The following ZNF667 variants were observed in gnomAD, a reference collection of about 807,000 sequenced individuals.
ZNF667 encodes the protein myocardial ischemic preconditioning upregulated 1 ortholog.
In ZNF667, 13 loss-of-function variants were observed where a neutral mutation model predicts 31.8. That is an observed-to-expected ratio of 0.41 (90% CI 0.27 to 0.65). The LOEUF (loss-of-function observed/expected upper bound fraction) is 0.65. ZNF667 is among the 30% of genes least tolerant of loss of function. The pLI, the probability that ZNF667 is intolerant of heterozygous loss-of-function variation, is 0.32. For synonymous variants in ZNF667, 228 were observed against 247.1 expected, an observed-to-expected ratio of 0.92 and a Z score of 0.73; for missense variants, 642 against 725.6, an observed-to-expected ratio of 0.88 and a Z score of 1.32.
chr19:56,458,006 C>A (rs1428371512), intron 6 of ZNF667, 149 bp downstream of exon 6: 1 of 705,476 alleles, frequency 1.4e-6, no homozygotes, highest in South Asian at 1.7e-5. Context: ...CACCAGACAC[C>A]GAATCTGCTC....
chr19:56,443,533 G>T (rs950802757), intron 6 of ZNF667, among the ~76,000 whole-genome samples: 1 of 152,098 alleles, frequency 6.6e-6, no homozygotes, highest in Non-Finnish European at 1.5e-5. Context: ...ATTGAATCCT[G>T]TAGGCAATTT....
intron 3 of ZNF667, chr19:56,470,184 G>T (rs553108942): frequency 5.4e-6 from 2 of 372,506 alleles, no homozygotes; most frequent in African/African-American, 4.2e-5. Context: ...TCAGTGCTCC[G>T]TTAAGGTAAA....
At chr19:56,475,320 AC>A (rs2043380433) in intron 1 of ZNF667, 1 of 152,122 alleles carries the variant, frequency 6.6e-6, no homozygotes, top group Non-Finnish European at 1.5e-5. Context: ...CTCGGAGCTT[AC>A]CCGGGCTGCA....
chr19:56,447,771 C>T (rs542600998), intron 6 of ZNF667, among the ~76,000 whole-genome samples: 2 of 152,216 alleles, frequency 1.3e-5, no homozygotes, highest in South Asian at 4.2e-4. Flanking sequence ...ATCCCGGCTA[C>T]TCAGGAGGCT....
intron 6 of ZNF667, among the ~76,000 whole-genome samples, chr19:56,448,221 G>T (rs534887209): frequency 6.0e-4 from 91 of 152,178 alleles, no homozygotes; most frequent in African/African-American, 1.9e-3. Context: ...GGAACTCAGT[G>T]CTGCCCTGTC....
chr19:56,462,041 G>A (rs945642013), intron 4 of ZNF667, among the ~76,000 whole-genome samples: 3 of 152,182 alleles, frequency 2.0e-5, no homozygotes, highest in African/African-American at 4.8e-5. Context: ...CTTCCTCCAC[G>A]GAGGACATTT....
chr19:56,458,134 C>A, intron 6 of ZNF667, 21 bp downstream of exon 6: 1 of 1,608,024 alleles, frequency 6.2e-7, no homozygotes, highest in South Asian at 1.1e-5. Context: ...GAGACATATG[C>A]CTTGGTTCTC....
chr19:56,472,135 A>G lies in ZNF667; in HGVS notation c.-496T>C, dbSNP rs2043305656. The G allele has an allele frequency of 6.6e-6, 1 of 152,226 alleles. No individual in the cohort carries two copies. Among genetic ancestry groups the G allele is most frequent in the Non-Finnish European group, 1.5e-5 (1 of 68,046 alleles). The allele number at this position is 152,226 out of a possible 1,614,324, so 9.4% of individuals were successfully genotyped here. On this transcript the variant is annotated 5_prime_UTR_variant, in exon 3 of 7. Coordinates refer to ENST00000504904, the MANE Select transcript of ZNF667 (RefSeq NM_001321356.2). ...GGTATGTCTTTATCAGCAGCACGAA[A>G]ACAGACTCATACATTGTCCATAAAA...
chr19:56,455,979 C>T (rs537922658), intron 6 of ZNF667, among the ~76,000 whole-genome samples: 13 of 152,128 alleles, frequency 8.5e-5, no homozygotes, highest in East Asian at 1.9e-4. Flanking sequence ...CTGCATCTCC[C>T]GGACAGGAGA....
chr19:56,469,532 C>G (rs2043241170), intron 3 of ZNF667, among the ~76,000 whole-genome samples: 1 of 152,144 alleles, frequency 6.6e-6, no homozygotes, highest in African/African-American at 2.4e-5. Flanking sequence ...ACACCCCCAC[C>G]CCCATGCCAG....
At chr19:56,454,339 T>C (rs1320711116) in intron 6 of ZNF667, among the ~76,000 whole-genome samples, 1 of 152,110 alleles carries the variant, frequency 6.6e-6, no homozygotes, top group African/African-American at 2.4e-5. Context: ...TCCTAAAATT[T>C]ATATGGAACC....
At chr19:56,477,220 G>T (rs2043431459) in intron 1 of ZNF667, 52 bp downstream of exon 1, 1 of 152,086 alleles carries the variant, frequency 6.6e-6, no homozygotes, top group South Asian at 2.1e-4. Flanking sequence ...CGCAGTGGCG[G>T]GCGCGCCGCC....
In ZNF667 at chr19:56,441,163, T is replaced by C. The variant is rs780187347; in HGVS notation, c.1832A>G (p.Ter611=). 1 of 1,600,500 alleles carries C rather than the reference T, an allele frequency of 6.2e-7. No homozygotes were observed. Among genetic ancestry groups the C allele is most frequent in the South Asian group, 1.1e-5 (1 of 90,094 alleles). The part of the protein sequence containing the change: ...HQNTHSEEKA[*] The stretch of plus-strand genomic sequence containing the variant: ...TGATTTTATAGATTTAAAACAACCT[T>C]AGGCTTTTTCTTCAGAATGTGTATT... The change falls in exon 7 of 7, where the codon TAA becomes TGA. Residue 611 remains the stop codon, a stop_retained_variant. Coordinates refer to ENST00000504904, the MANE Select transcript of ZNF667 (RefSeq NM_001321356.2). The surrounding 1 kb of genome is among the most constrained non-coding windows in gnomAD (Gnocchi z 4.2).
At position 56,449,873 on chromosome 19, in the gene ZNF667, C is replaced by T. The variant is rs146347711; in HGVS notation, c.254-7132G>A. Among the ~76,000 whole-genome samples the T allele has an allele frequency of 4.0e-3, 605 of 150,860 alleles. 4 individuals carry two copies. The highest frequency in any genetic ancestry group is 0.014 in the African/African-American group (582 of 41,050). ...AGAATGCATCAGAGTCTCTCAACAG[C>T]AGAATTGATCAAGCAGAAGAAATAG... On this transcript the variant is annotated intron_variant, in intron 6 of 6. Transcript: ENST00000504904.
chr19:56,457,773 C>A (rs555076931), intron 6 of ZNF667, among the ~76,000 whole-genome samples: 1 of 152,144 alleles, frequency 6.6e-6, no homozygotes, highest in African/African-American at 2.4e-5. Flanking sequence ...ACAGATTGAA[C>A]GTTTATGTCT....
intron 5 of ZNF667, 91 bp from the exon 6 acceptor site, chr19:56,458,338 G>A: frequency 9.4e-7 from 1 of 1,060,354 alleles, no homozygotes; most frequent in South Asian, 1.3e-5. Context: ...TGCAGGTTTA[G>A]TAGCATGAAG....
chr19:56,469,816 C>T (rs1280269736), intron 3 of ZNF667: 9 of 408,860 alleles, frequency 2.2e-5, no homozygotes, highest in Admixed American at 1.0e-4. Context: ...ATCCAGCACA[C>T]GGAAAGGGCT....
In ZNF667 at chr19:56,471,955, T is replaced by C. The variant is rs1600463539; in HGVS notation, c.-316A>G. ...GGAGATAACTGAATCATGGGGGCGG[T>C]TTCCCCCATGCTGTTCTCATGGCAG... On this transcript the variant is annotated 5_prime_UTR_variant, in exon 3 of 7. Transcript: ENST00000504904. 6.6e-6 allele frequency: 1 copy of C among 152,024 alleles called. No individual in the cohort carries two copies. 9.4% of individuals were successfully genotyped at this position (152,024 alleles called of 1,614,324 possible).
At chr19:56,452,918 C>CA (rs56144973) in intron 6 of ZNF667, among the ~76,000 whole-genome samples, 5,649 of 94,506 alleles carry the variant, frequency 0.06, 212 homozygotes, top group African/African-American at 0.15. Flanking sequence ...GACTCTGTCT[C>CA]AAAAAAAAAA....
Sources: allele counts gnomAD v4.1 joint callset (sites outside exome capture counted in the v4.1 genomes callset), GRCh38; gene constraint gnomAD v4.1.1; non-coding constraint Gnocchi (gnomAD v3.1); transcripts MANE v1.5; gene names NCBI Gene and HGNC (gene_info 2026-07-23, HGNC 2026-07-21).